The following PCDHA2 variants were observed in gnomAD, a reference collection of about 807,000 sequenced individuals.
PCDHA2 encodes the protein protocadherin alpha-2.
Under a neutral mutation model 66.0 loss-of-function variants are expected in PCDHA2, and 58 were observed. That is an observed-to-expected ratio of 0.88 (90% CI 0.71 to 1.09). PCDHA2 has a LOEUF of 1.09. Ranked by LOEUF, PCDHA2 falls within the 50% of genes least tolerant of loss-of-function variation. PCDHA2 has a pLI of 0.00. For missense variants in PCDHA2, 1,267 were observed against 1,242.3 expected, an observed-to-expected ratio of 1.02 and a Z score of -0.30; for synonymous variants, 634 against 554.0, an observed-to-expected ratio of 1.14 and a Z score of -2.03.
rs1554138258 is a variant in PCDHA2 at position 140,841,498 on chromosome 5, G to C, written c.2388+44146G>C. ...ACCTGGGGCTGGAGCTGGCGGAGCT[G>C]GTGCCGCGCCTGTTCCGGGTGGCGT... is the stretch of plus-strand genomic sequence containing the variant. On this transcript the variant is annotated intron_variant, in intron 1 of 3. Coordinates refer to ENST00000526136, the MANE Select transcript of PCDHA2 (RefSeq NM_018905.3). 5 of 1,613,284 alleles carry C rather than the reference G, an allele frequency of 3.1e-6. No individual in the cohort carries two copies. The Admixed American group carries it at 6.7e-5, about 22-fold the overall frequency.
intron 1 of PCDHA2, among the ~76,000 whole-genome samples, chr5:140,930,792 A>G (rs782797665): frequency 4.9e-4 from 74 of 152,228 alleles, no homozygotes; most frequent in Admixed American, 1.4e-3. Flanking sequence ...AATATAATAG[A>G]ATCCAGCATA....
At chr5:140,958,498 G>A (rs2095427243) in intron 1 of PCDHA2, among the ~76,000 whole-genome samples, 1 of 152,020 alleles carries the variant, frequency 6.6e-6, no homozygotes, top group African/African-American at 2.4e-5. Context: ...ACATATCCTA[G>A]GAGGCATGGC....
Position 140,916,518 on chromosome 5 carries a change from T to A in PCDHA2, c.2389-62431T>A, listed in dbSNP as rs187386381. Among the ~76,000 whole-genome samples the A allele has an allele frequency of 2.6e-5, 4 of 152,306 alleles. No homozygotes were observed. The East Asian group carries it at 7.7e-4, about 29-fold the overall frequency. ...AGCAGGTGATTAATCTTGCCAAGACTGGGTCCTTCCCACCAAGGCAATGGG... is the reference window on the plus strand; with the variant it reads ...AGCAGGTGATTAATCTTGCCAAGACAGGGTCCTTCCCACCAAGGCAATGGG... On this transcript the variant is annotated intron_variant, in intron 1 of 3. Coordinates refer to ENST00000526136, the MANE Select transcript of PCDHA2 (RefSeq NM_018905.3).
intron 1 of PCDHA2, chr5:140,850,791 A>G: frequency 1.3e-6 from 2 of 1,598,378 alleles, no homozygotes; most frequent in African/African-American, 2.7e-5. Context: ...GGGTAAGCAG[A>G]AGACCGACCT....
At chr5:141,005,130 T>C (rs2153983471) in intron 3 of PCDHA2, among the ~76,000 whole-genome samples, 1 of 152,358 alleles carries the variant, frequency 6.6e-6, no homozygotes, top group South Asian at 2.1e-4. Flanking sequence ...CAAAAGTGCC[T>C]CATTGGAGAG....
chr5:140,929,272 T>C (rs560527071), intron 1 of PCDHA2: 1 of 1,607,152 alleles, frequency 6.2e-7, no homozygotes. Flanking sequence ...TTTGCCAATA[T>C]CCTGTATTCA....
Position 140,871,550 on chromosome 5 carries a change from C to A in PCDHA2, c.2388+74198C>A, listed in dbSNP as rs369025500. On this transcript the variant is annotated intron_variant, in intron 1 of 3. Transcript: ENST00000526136. The stretch of plus-strand genomic sequence containing the variant: ...AAGTGTATGTGAAATTATTTAAAAT[C>A]CAGTTTTTTTTCACGGATTTTTTAA... The A allele has an allele frequency of 1.6e-4, 246 of 1,495,268 alleles. 8 individuals are homozygous for A. In the South Asian group the frequency reaches 3.1e-3, roughly 19 times the overall value. The allele number at this position is 1,495,268 out of a possible 1,614,324, so 92.6% of individuals were successfully genotyped here.
intron 1 of PCDHA2, chr5:140,821,828 T>A: frequency 6.2e-7 from 1 of 1,614,176 alleles, no homozygotes; most frequent in African/African-American, 1.3e-5. Flanking sequence ...CTGCTCTGGC[T>A]TCTCCTTGCC....
At chr5:140,813,382 T>A (rs1218287090) in intron 1 of PCDHA2, 1 of 152,178 alleles carries the variant, frequency 6.6e-6, no homozygotes, top group African/African-American at 2.4e-5. Flanking sequence ...GGTTACATGA[T>A]CTATTGCTTC....
intron 1 of PCDHA2, among the ~76,000 whole-genome samples, chr5:140,831,520 CTTTTT>C (rs2150195630): frequency 0.11 from 13,870 of 122,344 alleles, 1,092 homozygotes; most frequent in African/African-American, 0.22. Flanking sequence ...TGCCCCCCAC[CTTTTT>C]TTTTTTTTTT....
At chr5:140,849,106 A>C (rs2150430593) in intron 1 of PCDHA2, 1 of 1,455,018 alleles carries the variant, frequency 6.9e-7, no homozygotes, top group South Asian at 1.2e-5. Flanking sequence ...GACAGAGAAG[A>C]AACTCCGGAG....
chr5:140,913,558 G>T (rs1042223174), intron 1 of PCDHA2, among the ~76,000 whole-genome samples: 5 of 151,668 alleles, frequency 3.3e-5, no homozygotes, highest in Admixed American at 3.3e-4. Flanking sequence ...TTGATCTCTT[G>T]TATTTTCATC....
At chr5:140,850,611 G>A (rs1353719119) in intron 1 of PCDHA2, 2 of 1,598,474 alleles carry the variant, frequency 1.3e-6, no homozygotes, top group Non-Finnish European at 1.7e-6. Context: ...CGCCATCTGC[G>A]CGGTGTCTAG....
At chr5:140,852,863 G>A (rs945338680) in intron 1 of PCDHA2, 4 of 958,208 alleles carry the variant, frequency 4.2e-6, no homozygotes, top group Non-Finnish European at 3.8e-6. Flanking sequence ...CATTTACTAT[G>A]TCATCAATAA....
At chr5:140,876,473 G>C in intron 1 of PCDHA2, 7 of 1,614,038 alleles carry the variant, frequency 4.3e-6, no homozygotes, top group African/African-American at 2.7e-5. Flanking sequence ...GCAGGTCACA[G>C]CATGGTCCTG....
chr5:140,929,170 C>T, intron 1 of PCDHA2: 4 of 1,614,134 alleles, frequency 2.5e-6, no homozygotes, highest in Non-Finnish European at 3.4e-6. Flanking sequence ...TCGGGCCTCT[C>T]TGGGACTTGG....
At chr5:140,836,196 G>A (rs1480850746) in intron 1 of PCDHA2, 3 of 1,613,832 alleles carry the variant, frequency 1.9e-6, no homozygotes, top group Admixed American at 1.7e-5. Flanking sequence ...AGGCTACAAC[G>A]CGTGGCTTTC....
intron 1 of PCDHA2, among the ~76,000 whole-genome samples, chr5:140,937,181 G>A (rs573153234): frequency 5.3e-5 from 8 of 151,984 alleles, no homozygotes; most frequent in African/African-American, 1.9e-4. Context: ...GGGACTACAG[G>A]CGCCCGCCAC....
At chr5:140,883,686 A>T in intron 1 of PCDHA2, 1 of 1,613,782 alleles carries the variant, frequency 6.2e-7, no homozygotes, top group South Asian at 1.1e-5. Context: ...CCGGGCTGCC[A>T]CATCTTCACG....
Sources: allele counts gnomAD v4.1 joint callset (sites outside exome capture counted in the v4.1 genomes callset), GRCh38; gene constraint gnomAD v4.1.1; transcripts MANE v1.5; gene names NCBI Gene and HGNC (gene_info 2026-07-23, HGNC 2026-07-21).